The following PCDH15 variants were observed in gnomAD, a reference collection of about 807,000 sequenced individuals.
PCDH15 encodes the protein protocadherin-15.
Under a neutral mutation model 178.5 loss-of-function variants are expected in PCDH15, and 129 were observed. That is an observed-to-expected ratio of 0.72 (90% CI 0.63 to 0.84). PCDH15 has a LOEUF of 0.84. PCDH15 is among the 40% of genes least tolerant of loss of function. The pLI is 0.00. For missense variants in PCDH15, 2,230 were observed against 2,099.9 expected (o/e 1.06, Z -1.21); for synonymous variants, 800 against 732.0 (o/e 1.09, Z -1.50).
chr10:55,508,841 A>G (rs10763214), intron 2 of PCDH15, among the ~76,000 whole-genome samples: 49,579 of 151,522 alleles, frequency 0.33, 8,569 homozygotes, highest in East Asian at 0.51. Context: ...GTATTGTATT[A>G]TGTGATCAGG....
chr10:55,008,625 G>A (rs909524961), intron 2 of PCDH15, among the ~76,000 whole-genome samples: 1 of 152,062 alleles, frequency 6.6e-6, no homozygotes, highest in Non-Finnish European at 1.5e-5. Flanking sequence ...CATTAAAAAT[G>A]TCATCTGATA....
At chr10:53,844,881 TGG>T (rs2077874537) in intron 28 of PCDH15, among the ~76,000 whole-genome samples, 1 of 151,820 alleles carries the variant, frequency 6.6e-6, no homozygotes, top group Admixed American at 6.6e-5. Context: ...AATAGGCAAA[TGG>T]GATTACATTA....
At chr10:54,186,223 A>G (rs1316546572) in intron 11 of PCDH15, among the ~76,000 whole-genome samples, 1 of 152,046 alleles carries the variant, frequency 6.6e-6, no homozygotes, top group Non-Finnish European at 1.5e-5. Flanking sequence ...GTTCTAGATT[A>G]TACTATCTTT....
chr10:55,505,416 A>G (rs1840740009), intron 2 of PCDH15, among the ~76,000 whole-genome samples: 1 of 151,418 alleles, frequency 6.6e-6, no homozygotes, highest in African/African-American at 2.4e-5. Flanking sequence ...TTAAGAAAAT[A>G]ATAAGACTAA....
intron 3 of PCDH15, among the ~76,000 whole-genome samples, chr10:54,498,030 G>GA (rs1389703569): frequency 2.0e-5 from 3 of 151,200 alleles, no homozygotes; most frequent in South Asian, 2.1e-4. Flanking sequence ...TAACATGAAA[G>GA]AAAAAAAATA....
chr10:54,094,620 A>G (rs1463094402), intron 15 of PCDH15, among the ~76,000 whole-genome samples: 1 of 152,094 alleles, frequency 6.6e-6, no homozygotes, highest in Non-Finnish European at 1.5e-5. Context: ...CCACTTTAAT[A>G]CCTCAGGTTA....
chr10:54,190,009 C>T (rs1055660286), intron 11 of PCDH15, among the ~76,000 whole-genome samples: 1 of 150,254 alleles, frequency 6.7e-6, no homozygotes, highest in African/African-American at 2.5e-5. Flanking sequence ...AACACTGGTG[C>T]AAATATTTCT....
intron 3 of PCDH15, among the ~76,000 whole-genome samples, chr10:54,410,952 A>G (rs1341850638): frequency 6.6e-6 from 1 of 152,124 alleles, no homozygotes; most frequent in Non-Finnish European, 1.5e-5. Flanking sequence ...AATTATAGGA[A>G]TAGCTGGAAT....
intron 1 of PCDH15, among the ~76,000 whole-genome samples, chr10:54,780,115 T>C (rs1022784333): frequency 1.3e-5 from 2 of 152,172 alleles, no homozygotes; most frequent in Admixed American, 6.6e-5. Context: ...TAATTCTTGC[T>C]GTCATTCATG....
At chr10:55,376,610 T>C (rs1837399873) in intron 2 of PCDH15, among the ~76,000 whole-genome samples, 1 of 152,110 alleles carries the variant, frequency 6.6e-6, no homozygotes. Context: ...CCCATATAAA[T>C]ATGGCCCTTT....
chr10:54,304,842 T>C (rs1261731461), intron 8 of PCDH15, among the ~76,000 whole-genome samples: 2 of 151,226 alleles, frequency 1.3e-5, no homozygotes, highest in South Asian at 4.2e-4. Flanking sequence ...AATTCATTGC[T>C]GTGTCCATAG....
At chr10:54,840,514 A>G (rs1463780775) in intron 3 of PCDH15, among the ~76,000 whole-genome samples, 4 of 151,834 alleles carry the variant, frequency 2.6e-5, no homozygotes, top group Non-Finnish European at 4.4e-5. Context: ...CAAAGACAGG[A>G]GGAGAAAAAG....
rs34476628 is a variant in PCDH15 at position 55,195,486 on chromosome 10, CAAAAAAAAAAA to C, written c.-155-28846_-155-28836del. On this transcript the variant is annotated intron_variant, in intron 1 of 5. Transcript: ENST00000458638. ...TGAAACCCTATTTCTACTAAAAATA[CAAAAAAAAAAA>C]AAAAAAAAATTAGGCGGGCATGGTG... Among the ~76,000 whole-genome samples, 157 of 115,196 alleles carry C rather than the reference CAAAAAAAAAAA, an allele frequency of 1.4e-3. 1 individual carries two copies. The highest frequency in any genetic ancestry group is 5.2e-3 in the African/African-American group (149 of 28,902). 75.6% of individuals were successfully genotyped at this position (115,196 alleles called of 152,430 possible).
At chr10:54,187,846 A>C (rs1201392777) in intron 11 of PCDH15, among the ~76,000 whole-genome samples, 2 of 151,852 alleles carry the variant, frequency 1.3e-5, no homozygotes, top group Admixed American at 1.3e-4. Context: ...AAGTAAAAAA[A>C]TTTAGGAAGC....
chr10:54,816,533 A>G (rs1432574899), intron 3 of PCDH15, among the ~76,000 whole-genome samples: 3 of 152,076 alleles, frequency 2.0e-5, no homozygotes, highest in Non-Finnish European at 4.4e-5. Flanking sequence ...AAAATGAGAA[A>G]CTAAGATATT....
chr10:54,787,918 T>C lies in PCDH15; in HGVS notation c.-29+13007A>G, dbSNP rs200101746. 2.6e-5 allele frequency among the ~76,000 whole-genome samples: 4 copies of C among 151,950 alleles called. No homozygotes were observed. The East Asian group carries it at 7.8e-4, about 30-fold the overall frequency. ...TAAACTTATTTAGGCAGAAAGAGAG[T>C]ATCCGAGAGAGCGTGAATAAACAGC... On this transcript the variant is annotated intron_variant, in intron 1 of 37. Transcript: ENST00000644397.
intron 2 of PCDH15, among the ~76,000 whole-genome samples, chr10:55,448,450 T>A (rs7073734): frequency 1.3e-5 from 2 of 151,822 alleles, no homozygotes; most frequent in African/African-American, 2.4e-5. Context: ...AGTTTATACC[T>A]GCAAAATCAT....
intron 1 of PCDH15, among the ~76,000 whole-genome samples, chr10:54,680,633 C>T (rs375843315): frequency 3.9e-5 from 6 of 152,054 alleles, no homozygotes; most frequent in African/African-American, 9.7e-5. Context: ...AATTGAATCA[C>T]GGGGCATTTT....
intron 2 of PCDH15, among the ~76,000 whole-genome samples, chr10:55,141,858 A>ACTG: frequency 3.2e-5 from 1 of 31,064 alleles, no homozygotes; most frequent in Non-Finnish European, 2.4e-4. Flanking sequence ...CAAAAGGTTT[A>ACTG]TTATTTTTTT....
Sources: gnomAD v4.1 joint callset for allele counts (sites outside exome capture counted in the v4.1 genomes callset) on GRCh38, gnomAD v4.1.1 for gene constraint, MANE v1.5 for transcripts, NCBI Gene and HGNC (gene_info 2026-07-23, HGNC 2026-07-21) for gene names.